Variants in ARSG observed in about 807,000 individuals in gnomAD.
ARSG encodes ASG.
In ARSG, 37 loss-of-function variants were observed where a neutral mutation model predicts 50.5. The ratio of observed to expected loss-of-function variants is 0.73; its 90% CI spans 0.56 to 0.96. ARSG has a LOEUF of 0.96. Among genes scored for constraint, ARSG ranks in the 50% least tolerant of loss-of-function variants. The pLI is 0.00. For missense variants in ARSG, 629 were observed against 675.3 expected, an observed-to-expected ratio of 0.93 and a Z score of 0.76; for synonymous variants, 225 against 254.6, an observed-to-expected ratio of 0.88 and a Z score of 1.11.
intron 1 of ARSG, among the ~76,000 whole-genome samples, chr17:68,281,565 C>T (rs1159330532): frequency 6.6e-6 from 1 of 152,106 alleles, no homozygotes; most frequent in Non-Finnish European, 1.5e-5. Flanking sequence ...CACAGCGAGA[C>T]TCTGTCTCAA....
chr17:68,433,760 G>GTTTTTTTTTTTTTTTTTTTTTTTT, the ARSG span, among the ~76,000 whole-genome samples: 1 of 72,822 alleles, frequency 1.4e-5, no homozygotes, highest in African/African-American at 6.5e-5. Context: ...AAGGGTCATA[G>GTTTTTTTTTTTTTTTTTTTTTTTT]TTTTTTTTTT....
downstream of ARSG, among the ~76,000 whole-genome samples, chr17:68,425,275 C>G (rs1318564806): frequency 6.6e-6 from 1 of 152,222 alleles, no homozygotes; most frequent in Non-Finnish European, 1.5e-5. Context: ...ACAATCAGAG[C>G]TCACTGCAGC....
At position 68,399,232 on chromosome 17, in the gene ARSG, T is replaced by C. The variant is rs917831545; in HGVS notation, c.1213-2128T>C. On this transcript the variant is annotated intron_variant, in intron 10 of 11. Transcript: ENST00000621439. This position sits in a 1 kb window ranked among gnomAD's most constrained non-coding sequence, Gnocchi z 4.6. ...TCACTTCTCTTAGGGAGGCCCCTAG[T>C]GGCGAGAGATGTCATCTGGCGTGGC... Among the ~76,000 whole-genome samples the C allele has an allele frequency of 4.6e-5, 7 of 152,144 alleles. No individual in the cohort carries two copies. Among genetic ancestry groups the C allele is most frequent in the Non-Finnish European group, 8.8e-5 (6 of 68,022 alleles).
At chr17:68,317,776 G>A (rs757432812) in intron 2 of ARSG, among the ~76,000 whole-genome samples, 2 of 152,114 alleles carry the variant, frequency 1.3e-5, no homozygotes, top group Non-Finnish European at 2.9e-5. Flanking sequence ...AAAATGTCAG[G>A]GACTTAGTAA....
chr17:68,445,814 G>A, the ARSG span, among the ~76,000 whole-genome samples: 1 of 152,194 alleles, frequency 6.6e-6, no homozygotes, highest in African/African-American at 2.4e-5. Flanking sequence ...AGCAGCTGCC[G>A]ACCACCCCTG....
intron 1 of ARSG, chr17:68,278,112 C>G (rs782776397): frequency 1.2e-6 from 2 of 1,613,750 alleles, no homozygotes; most frequent in Admixed American, 1.7e-5. Flanking sequence ...GACAAACACA[C>G]AGATTGAGAT....
At chr17:68,291,657 G>C (rs2075996026) in intron 1 of ARSG, 89 bp downstream of exon 1, 1 of 151,676 alleles carries the variant, frequency 6.6e-6, no homozygotes, top group Non-Finnish European at 1.5e-5. Flanking sequence ...ACCCGGGTGC[G>C]CCTCTGCGCG....
chr17:68,352,344 GAA>G (rs33948326), intron 5 of ARSG, among the ~76,000 whole-genome samples: 56,255 of 141,784 alleles, frequency 0.4, 11,410 homozygotes, highest in Non-Finnish European at 0.48. Context: ...AATAGTAAGT[GAA>G]AAAAAAAAAA....
At chr17:68,309,173 C>T (rs539829711) in intron 2 of ARSG, among the ~76,000 whole-genome samples, 17 of 152,244 alleles carry the variant, frequency 1.1e-4, no homozygotes, top group South Asian at 2.1e-4. Flanking sequence ...CCTCATTGCC[C>T]GGGGCCCGCA....
upstream of ARSG, chr17:68,291,025 A>T (rs149219175): frequency 1.3e-5 from 2 of 152,242 alleles, no homozygotes; most frequent in African/African-American, 4.8e-5. Flanking sequence ...CATATTTTTT[A>T]AAAAACAACC....
At chr17:68,389,536 C>T (rs959661732) in intron 9 of ARSG, among the ~76,000 whole-genome samples, 3 of 152,056 alleles carry the variant, frequency 2.0e-5, no homozygotes, top group African/African-American at 7.2e-5. Context: ...AAACTAAATG[C>T]AGAAAGAAAT....
chr17:68,270,542 A>G (rs1353053636), intron 1 of ARSG, among the ~76,000 whole-genome samples: 1 of 149,756 alleles, frequency 6.7e-6, no homozygotes, highest in Non-Finnish European at 1.5e-5. Context: ...TGATAGAGCG[A>G]GACTCCATCT....
chr17:68,440,528 C>T, the ARSG span, among the ~76,000 whole-genome samples: 7 of 152,032 alleles, frequency 4.6e-5, no homozygotes, highest in Admixed American at 3.9e-4. Context: ...ATTCTAAAAC[C>T]CAGAGGCTTT....
intron 6 of ARSG, among the ~76,000 whole-genome samples, chr17:68,358,540 T>C (rs960148637): frequency 6.6e-6 from 1 of 151,828 alleles, no homozygotes; most frequent in Non-Finnish European, 1.5e-5. Flanking sequence ...AATACAAAAA[T>C]TAGCTGGGAG....
chr17:68,354,951 G>T (rs1224732013), intron 5 of ARSG, among the ~76,000 whole-genome samples: 1 of 152,190 alleles, frequency 6.6e-6, no homozygotes, highest in Non-Finnish European at 1.5e-5. Context: ...AATGGGGTGT[G>T]TGTGCATGTA....
At chr17:68,407,840 C>A (rs190453030) in intron 11 of ARSG, among the ~76,000 whole-genome samples, 4 of 152,020 alleles carry the variant, frequency 2.6e-5, no homozygotes, top group East Asian at 1.9e-4. Context: ...ATTTGAATGC[C>A]CTTTTACTGA....
At chr17:68,403,817 T>C (rs1287464952) in intron 11 of ARSG, among the ~76,000 whole-genome samples, 1 of 152,204 alleles carries the variant, frequency 6.6e-6, no homozygotes, top group African/African-American at 2.4e-5. Context: ...CATTAACTCG[T>C]CATTTACATT....
intron 10 of ARSG, 109 bp from the exon 11 acceptor site, chr17:68,401,248 CCTG>C: frequency 1.1e-6 from 1 of 927,978 alleles, no homozygotes; most frequent in Non-Finnish European, 1.7e-6. Context: ...GTTTCAAACT[CCTG>C]GGCTCAAGTG....
chr17:68,288,411 G>A (rs2075893323), upstream of ARSG, among the ~76,000 whole-genome samples: 1 of 152,162 alleles, frequency 6.6e-6, no homozygotes, highest in African/African-American at 2.4e-5. Flanking sequence ...GCCTCTGTAA[G>A]TTCCAGAATA....
Sources: gnomAD v4.1 joint callset for allele counts (sites outside exome capture counted in the v4.1 genomes callset) on GRCh38, gnomAD v4.1.1 for gene constraint, Gnocchi (gnomAD v3.1) non-coding constraint, MANE v1.5 for transcripts, NCBI Gene and HGNC (gene_info 2026-07-23, HGNC 2026-07-21) for gene names.